Variants in GBF1 observed in about 807,000 individuals in gnomAD.
The protein encoded by GBF1 is golgi brefeldin A resistant guanine nucleotide exchange factor 1, also known as Golgi-specific brefeldin A-resistance guanine nucleotide exchange factor 1.
Under a neutral mutation model 210.5 loss-of-function variants are expected in GBF1, and 114 were observed. The observed-to-expected ratio is 0.54, with a 90% confidence interval of 0.47 to 0.63. The LOEUF (loss-of-function observed/expected upper bound fraction) is 0.63. Ranked by LOEUF, GBF1 falls within the 30% of genes least tolerant of loss-of-function variation. GBF1 has a pLI of 0.00. For missense variants in GBF1, 1,851 were observed against 2,357.7 expected (o/e 0.79, Z 4.45); for synonymous variants, 850 against 889.2 (o/e 0.96, Z 0.78).
At chr10:102,350,762 G>C (rs1350093233) in intron 4 of GBF1, among the ~76,000 whole-genome samples, 10 of 152,196 alleles carry the variant, frequency 6.6e-5, no homozygotes, top group African/African-American at 1.9e-4. Context: ...GTTTTACCCA[G>C]TGGATTTTGT....
intron 3 of GBF1, among the ~76,000 whole-genome samples, chr10:102,304,095 A>C (rs2077631893): frequency 3.3e-5 from 5 of 152,348 alleles, no homozygotes; most frequent in African/African-American, 4.8e-5. Context: ...GGAATAAAAT[A>C]ACTGCAAAAA....
At chr10:102,373,231 C>G (rs2060308527) in intron 29 of GBF1, among the ~76,000 whole-genome samples, 1 of 152,188 alleles carries the variant, frequency 6.6e-6, no homozygotes, top group African/African-American at 2.4e-5. Context: ...AGAACACATA[C>G]AGATGGCAGA....
At chr10:102,244,965 A>T (rs2070686674), upstream of GBF1, among the ~76,000 whole-genome samples, 1 of 152,190 alleles carries the variant, frequency 6.6e-6, no homozygotes, top group Non-Finnish European at 1.5e-5. Flanking sequence ...TGACAGACAT[A>T]ACTGTGAGAA....
intron 14 of GBF1, 151 bp downstream of exon 14, chr10:102,362,063 T>C (rs2059642120): frequency 4.3e-6 from 2 of 462,180 alleles, no homozygotes; most frequent in Non-Finnish European, 7.4e-6. Flanking sequence ...TTTTTTTTTT[T>C]TTTTTTTTTT....
intron 7 of GBF1, among the ~76,000 whole-genome samples, 191 bp from the exon 8 acceptor site, chr10:102,353,409 C>T (rs1224393197): frequency 6.6e-6 from 1 of 152,178 alleles, no homozygotes; most frequent in African/African-American, 2.4e-5. Context: ...TTGTCCATGT[C>T]ACACATCCCC....
intron 3 of GBF1, among the ~76,000 whole-genome samples, chr10:102,261,703 C>T (rs757886808): frequency 5.4e-5 from 8 of 147,452 alleles, no homozygotes; most frequent in Non-Finnish European, 1.2e-4. Context: ...GCAACTGCAA[C>T]TTCCGTCTCC....
At chr10:102,318,310 C>G (rs1214325595) in intron 3 of GBF1, among the ~76,000 whole-genome samples, 1 of 152,130 alleles carries the variant, frequency 6.6e-6, no homozygotes, top group Non-Finnish European at 1.5e-5. Context: ...CCTTAGCCCC[C>G]CAAGTAGCTG....
At position 102,312,780 on chromosome 10, in the gene GBF1, T is replaced by A. The variant is rs562470432; in HGVS notation, c.164-31271T>A. Among the ~76,000 whole-genome samples, 10 of 152,300 alleles carry A rather than the reference T, an allele frequency of 6.6e-5. No homozygotes were observed. In the South Asian group the frequency reaches 2.1e-3, roughly 32 times the overall value. ...GTGTTTGCCTCGGGTACCTGTAAAG[T>A]CACTGAGGAAGAAACAGATCTTCCA... On this transcript the variant is annotated intron_variant, in intron 3 of 39. Transcript: ENST00000369983.
intron 1 of GBF1, among the ~76,000 whole-genome samples, chr10:102,247,613 T>C (rs1051220735): frequency 5.9e-5 from 9 of 152,240 alleles, no homozygotes; most frequent in African/African-American, 2.2e-4. Context: ...AGGGTGACTA[T>C]AGAGGCATCA....
the GBF1 span, among the ~76,000 whole-genome samples, chr10:102,234,990 C>T: frequency 2.0e-5 from 3 of 152,184 alleles, no homozygotes; most frequent in East Asian, 3.8e-4. Context: ...CAGACACACA[C>T]AGGCCCCCAC....
In GBF1 at chr10:102,379,556, G is replaced by A. The variant is rs1038415805; in HGVS notation, c.4681G>A (p.Val1561Ile). The change falls in exon 35 of 40, where the codon GTA becomes ATA. Residue 1561 changes from valine (V) to isoleucine (I), a missense_variant. Transcript: ENST00000369983. Reference protein sequence around the residue: ...ACLCCDARRQVRMQALTYLQR... With the variant: ...ACLCCDARRQIRMQALTYLQR... ...CCTGTGCTGCGATGCCCGGCGCCAG[G>A]TACGGATGCAGGCACTGACCTATCT... The A allele has an allele frequency of 1.9e-6, 3 of 1,614,036 alleles. No individual in the cohort carries two copies. Among genetic ancestry groups the A allele is most frequent in the African/African-American group, 2.7e-5 (2 of 74,910 alleles).
intron 3 of GBF1, among the ~76,000 whole-genome samples, chr10:102,282,694 A>G (rs1220370914): frequency 1.3e-5 from 2 of 152,312 alleles, no homozygotes; most frequent in Non-Finnish European, 2.9e-5. Context: ...GTTGTTGGAT[A>G]CCAGGTTCAG....
chr10:102,286,467 G>T (rs539547218), intron 3 of GBF1, among the ~76,000 whole-genome samples: 1 of 152,206 alleles, frequency 6.6e-6, no homozygotes, highest in South Asian at 2.1e-4. Context: ...ACACACAGGA[G>T]CCAAATGGTA....
intron 3 of GBF1, among the ~76,000 whole-genome samples, chr10:102,286,296 A>C (rs759697489): frequency 1.3e-5 from 2 of 150,064 alleles, no homozygotes; most frequent in Non-Finnish European, 2.9e-5. Context: ...CACTCCTCGC[A>C]TTCCCTGTTT....
intron 3 of GBF1, among the ~76,000 whole-genome samples, chr10:102,296,630 T>A (rs1338496911): frequency 6.6e-6 from 1 of 151,960 alleles, no homozygotes; most frequent in Non-Finnish European, 1.5e-5. Flanking sequence ...TAATCCCAGC[T>A]ACTCAGGAGA....
intron 1 of GBF1, among the ~76,000 whole-genome samples, chr10:102,254,365 C>G (rs867283097): frequency 1.3e-5 from 2 of 152,084 alleles, no homozygotes; most frequent in Middle Eastern, 6.8e-3. Context: ...AAGACCCTAT[C>G]TCTAAAAAAA....
intron 3 of GBF1, among the ~76,000 whole-genome samples, chr10:102,302,071 C>T (rs373854994): frequency 3.3e-5 from 5 of 152,184 alleles, no homozygotes; most frequent in African/African-American, 7.2e-5. Context: ...GAGACCAGCC[C>T]GGCCAACACA....
chr10:102,250,376 T>C (rs559569261), intron 1 of GBF1, among the ~76,000 whole-genome samples: 1 of 152,090 alleles, frequency 6.6e-6, no homozygotes, highest in East Asian at 1.9e-4. Context: ...TTGTGTTTTT[T>C]GTAGACACAG....
In GBF1 at chr10:102,368,821, C is replaced by T; in HGVS notation, c.2962C>T (p.Leu988Phe). 4 of 1,600,002 alleles carry T rather than the reference C, an allele frequency of 2.5e-6. No homozygotes were observed. The highest frequency in any genetic ancestry group is 3.4e-6 in the Non-Finnish European group (4 of 1,167,122). ...LIISLCKFTALSSESIENLPS... is the reference protein window; with the variant it reads ...LIISLCKFTAFSSESIENLPS... ...CATCTCTCTATGCAAATTCACAGCTCTCAGCAGTGAGGTGAGCAGGTGCAG... is the reference window on the plus strand; with the variant it reads ...CATCTCTCTATGCAAATTCACAGCTTTCAGCAGTGAGGTGAGCAGGTGCAG... The change falls in exon 23 of 40, where the codon CTC becomes TTC. Residue 988 changes from leucine (L) to phenylalanine (F), a missense_variant. Physicochemically the swap from Leu to Phe is conservative, Grantham distance 22. Transcript: ENST00000369983.
Sources: gnomAD v4.1 joint callset for allele counts (sites outside exome capture counted in the v4.1 genomes callset) on GRCh38, gnomAD v4.1.1 for gene constraint, MANE v1.5 for transcripts, NCBI Gene and HGNC (gene_info 2026-07-23, HGNC 2026-07-21) for gene names.